ZNF787: variants seen among roughly 807,000 people sequenced by gnomAD.
ZNF787 encodes the protein TTF-I-interacting peptide 20.
Under a neutral mutation model 16.9 loss-of-function variants are expected in ZNF787, and 7 were observed. That is an observed-to-expected ratio of 0.42 (90% CI 0.24 to 0.78). The LOEUF is 0.78. Ranked by LOEUF, ZNF787 falls within the 30% of genes least tolerant of loss-of-function variation. ZNF787 has a pLI of 0.30. For synonymous variants in ZNF787, 345 were observed against 270.9 expected, an observed-to-expected ratio of 1.27 and a Z score of -2.69; for missense variants, 551 against 589.3, an observed-to-expected ratio of 0.94 and a Z score of 0.67.
Position 56,087,905 on chromosome 19 carries a change from GGGATGCCGC to G in ZNF787, c.*109_*117del. On this transcript the variant is annotated 3_prime_UTR_variant, in exon 3 of 3. Coordinates refer to ENST00000610935, the MANE Select transcript of ZNF787 (RefSeq NM_001002836.4). ...AGGGACAGAGGAGGGCGGGGAGCCG[GGGATGCCGC>G]GGGGTCCATCGCACCCCGTCCGCTT... The G allele has an allele frequency of 7.9e-7, 1 of 1,273,110 alleles. No individual in the cohort carries two copies. The highest frequency in any genetic ancestry group is 3.6e-5 in the East Asian group (1 of 28,064). The allele number at this position is 1,273,110 out of a possible 1,614,324, so 78.9% of individuals were successfully genotyped here. A position where few individuals can be genotyped will look rare whatever the true frequency, so the allele number is the denominator to read the frequency against.
intron 1 of ZNF787, 112 bp downstream of exon 1, chr19:56,121,060 G>A (rs1337721808): frequency 2.6e-5 from 2 of 76,010 alleles, no homozygotes; most frequent in African/African-American, 1.1e-4. Flanking sequence ...CGCGCCCGCC[G>A]CCCAGTCGCG....
At chr19:56,118,926 G>C (rs1029499294) in intron 1 of ZNF787, among the ~76,000 whole-genome samples, 9 of 152,084 alleles carry the variant, frequency 5.9e-5, no homozygotes, top group African/African-American at 1.4e-4. Context: ...CCTCCCTTAA[G>C]TACCAGGTTC....
rs1985355435 is a variant in ZNF787 at position 56,087,870 on chromosome 19, CGGACGGCGCAGGGACAGA to C, written c.*135_*152del. ...CCTAATACGCCCCAGTGCCCCCCCACGGACGGCGCAGGGACAGAGGAGGGCGGGGAGCCGGGGATGCCG... is the reference window on the plus strand; with the variant it reads ...CCTAATACGCCCCAGTGCCCCCCCACGGAGGGCGGGGAGCCGGGGATGCCG... On this transcript the variant is annotated 3_prime_UTR_variant, in exon 3 of 3. Transcript: ENST00000610935. 6 of 1,206,960 alleles carry C rather than the reference CGGACGGCGCAGGGACAGA, an allele frequency of 5.0e-6. No homozygotes were observed. The highest frequency in any genetic ancestry group is 3.6e-5 in the East Asian group (1 of 27,624). 74.8% of individuals were successfully genotyped at this position (1,206,960 alleles called of 1,614,324 possible).
chr19:56,089,350 G>C (rs187886466), intron 2 of ZNF787, among the ~76,000 whole-genome samples: 110 of 152,222 alleles, frequency 7.2e-4, no homozygotes, highest in Middle Eastern at 3.4e-3. Flanking sequence ...CAGAAGGCCT[G>C]GTCTGTAAAC....
intron 1 of ZNF787, among the ~76,000 whole-genome samples, chr19:56,109,675 C>T (rs1251134241): frequency 6.6e-6 from 1 of 152,114 alleles, no homozygotes; most frequent in Non-Finnish European, 1.5e-5. Flanking sequence ...GGGTGGATCA[C>T]GAGATCGAGA....
At chr19:56,110,222 T>C (rs1188799031) in intron 1 of ZNF787, among the ~76,000 whole-genome samples, 2 of 151,882 alleles carry the variant, frequency 1.3e-5, no homozygotes, top group African/African-American at 4.8e-5. Flanking sequence ...TAGCCAGGCA[T>C]GGTGGCTCGT....
At chr19:56,096,253 TAAAAAAAA>T (rs1568525904) in intron 2 of ZNF787, among the ~76,000 whole-genome samples, 9 of 29,620 alleles carry the variant, frequency 3.0e-4, no homozygotes, top group African/African-American at 5.4e-4. Context: ...AATAAAAAAA[TAAAAAAAA>T]TAAAAAAACT....
chr19:56,088,174 C>A lies in ZNF787; in HGVS notation c.998G>T (p.Arg333Leu). ...CACCGCGTGGATCTTCTTGTGTCTC[C>A]GGAGCGCGGCGCCCTGCACGAAGCC... is the stretch of plus-strand genomic sequence containing the variant. ...GEGFVQGAALRRHKKIHAVGA... is the reference protein window; with the variant it reads ...GEGFVQGAALLRHKKIHAVGA... The change falls in exon 3 of 3, where the codon CGG becomes CTG. Residue 333 changes from arginine to leucine, a missense_variant. Physicochemically the swap from Arg to Leu is moderately radical, Grantham distance 102. Transcript: ENST00000610935. This position sits in a 1 kb window ranked among gnomAD's most constrained non-coding sequence, Gnocchi z 8.6. 1 of 1,549,964 alleles carries A rather than the reference C, an allele frequency of 6.5e-7. No individual in the cohort carries two copies. The highest frequency in any genetic ancestry group is 8.7e-7 in the Non-Finnish European group (1 of 1,153,434).
Position 56,087,379 on chromosome 19 carries a change from T to G in ZNF787, c.*644A>C, listed in dbSNP as rs1306046582. The G allele has an allele frequency of 6.6e-6, 1 of 151,808 alleles. No homozygotes were observed. Among genetic ancestry groups the G allele is most frequent in the Non-Finnish European group, 1.5e-5 (1 of 68,092 alleles). 9.4% of individuals were successfully genotyped at this position (151,808 alleles called of 1,614,324 possible). On this transcript the variant is annotated 3_prime_UTR_variant, in exon 3 of 3. Transcript: ENST00000610935. ...CACGCAGAGGGGGACATTTGGATAG[T>G]GCCGTTTATTGTTCCAGCACCCCTT... is the stretch of plus-strand genomic sequence containing the variant.
At chr19:56,120,463 G>A (rs1485879204) in intron 1 of ZNF787, among the ~76,000 whole-genome samples, 2 of 152,124 alleles carry the variant, frequency 1.3e-5, no homozygotes, top group Admixed American at 6.5e-5. Flanking sequence ...GGCTGACCTT[G>A]GCCCAGTCAC....
intron 1 of ZNF787, among the ~76,000 whole-genome samples, chr19:56,106,137 C>A (rs531921647): frequency 8.5e-5 from 13 of 152,280 alleles, no homozygotes; most frequent in Non-Finnish European, 1.3e-4. Context: ...CCCCGCCGCG[C>A]CCTGCAGCCT....
intron 2 of ZNF787, among the ~76,000 whole-genome samples, chr19:56,092,011 C>CCGAAGG (rs1568523549): frequency 1.7e-4 from 15 of 88,458 alleles, no homozygotes; most frequent in African/African-American, 5.4e-4. Context: ...GAAGCCAAAG[C>CCGAAGG]CGAAACCGAA....
chr19:56,102,967 T>A, intron 2 of ZNF787, 172 bp downstream of exon 2: 1 of 741,138 alleles, frequency 1.3e-6, no homozygotes, highest in Non-Finnish European at 2.4e-6. Flanking sequence ...TAGCCCTCCC[T>A]CTACAGCCAG....
chr19:56,090,181 C>T (rs1045637003), intron 2 of ZNF787, among the ~76,000 whole-genome samples: 1 of 152,228 alleles, frequency 6.6e-6, no homozygotes, highest in Non-Finnish European at 1.5e-5. Flanking sequence ...AACACCCTCC[C>T]AGATGCCACG....
chr19:56,089,110 AG>A lies in ZNF787; in HGVS notation c.80-19del. The A allele has an allele frequency of 1.4e-6, 2 of 1,439,978 alleles. No individual in the cohort carries two copies. Among genetic ancestry groups the A allele is most frequent in the Non-Finnish European group, 1.8e-6 (2 of 1,101,560 alleles). The allele number at this position is 1,439,978 out of a possible 1,614,324, so 89.2% of individuals were successfully genotyped here. ...GATGTCCACTGGAAAGCAAGAGGGT[AG>A]GGGGAGGTGAGTCAAGAGAGGCAAG... On this transcript the variant is annotated intron_variant, in intron 2 of 2. Transcript: ENST00000610935.
chr19:56,115,299 G>A (rs891623602), intron 1 of ZNF787, among the ~76,000 whole-genome samples: 1 of 151,564 alleles, frequency 6.6e-6, no homozygotes, highest in African/African-American at 2.4e-5. Flanking sequence ...CCGTTGTCCC[G>A]TGCTCTGGCC....
In ZNF787 at chr19:56,109,401, G is replaced by A. The variant is rs62122455; in HGVS notation, c.-10-6174C>T. ...ACCCCACGTGAAACACGCCCTCCTC[G>A]TAGAGGAAGAGGACGTGCTCATCAC... On this transcript the variant is annotated intron_variant, in intron 1 of 2. Transcript: ENST00000610935. Among the ~76,000 whole-genome samples, 20 of 152,150 alleles carry A rather than the reference G, an allele frequency of 1.3e-4. 1 individual carries two copies. The East Asian group carries it at 1.4e-3, about 10-fold the overall frequency.
At chr19:56,119,794 G>A (rs1453393010) in intron 1 of ZNF787, among the ~76,000 whole-genome samples, 1 of 152,268 alleles carries the variant, frequency 6.6e-6, no homozygotes, top group Non-Finnish European at 1.5e-5. Context: ...CGTGGCCGGA[G>A]GACCACAGGG....
At position 56,091,941 on chromosome 19, in the gene ZNF787, C is replaced by CG. The variant is rs1355442364; in HGVS notation, c.80-2850_80-2849insC. Among the ~76,000 whole-genome samples the CG allele has an allele frequency of 9.9e-4, 121 of 122,310 alleles. 1 individual carries two copies. Among genetic ancestry groups the CG allele is most frequent in the Middle Eastern group, 8.3e-3 (2 of 242 alleles). 80.2% of individuals were successfully genotyped at this position (122,310 alleles called of 152,430 possible). Reference sequence around the variant, plus strand: ...CCGCAGCCGAAGCCGAAGCCGAAGCCAAAGCCAAAGCCGAAACCGAAACCG... The same window carrying CG: ...CCGCAGCCGAAGCCGAAGCCGAAGCCGAAAGCCAAAGCCGAAACCGAAACCG... On this transcript the variant is annotated intron_variant, in intron 2 of 2. Transcript: ENST00000610935.
Sources: gnomAD v4.1 joint callset for allele counts (sites outside exome capture counted in the v4.1 genomes callset) on GRCh38, gnomAD v4.1.1 for gene constraint, Gnocchi (gnomAD v3.1) non-coding constraint, MANE v1.5 for transcripts, NCBI Gene and HGNC (gene_info 2026-07-23, HGNC 2026-07-21) for gene names.